Variants in DSCAM observed in about 807,000 individuals in gnomAD.
DSCAM encodes DS cell adhesion molecule.
A neutral mutation model predicts 217.7 loss-of-function variants in DSCAM; 47 were observed. That is an observed-to-expected ratio of 0.22 (90% CI 0.17 to 0.28). The LOEUF (loss-of-function observed/expected upper bound fraction) is 0.28. Ranked by LOEUF, DSCAM falls within the 10% of genes least tolerant of loss-of-function variation. The pLI is 1.00. For missense variants in DSCAM, 2,080 were observed against 2,618.3 expected, an observed-to-expected ratio of 0.79 and a Z score of 4.49; for synonymous variants, 1,056 against 1,015.3, an observed-to-expected ratio of 1.04 and a Z score of -0.76.
At chr21:40,388,393 T>C (rs1208650041) in intron 3 of DSCAM, among the ~76,000 whole-genome samples, 4 of 152,132 alleles carry the variant, frequency 2.6e-5, no homozygotes, top group African/African-American at 9.7e-5. Context: ...GCAGATGGTA[T>C]CATGAAGTCC....
chr21:40,605,578 A>C (rs1601782542), intron 3 of DSCAM, among the ~76,000 whole-genome samples: 1 of 152,176 alleles, frequency 6.6e-6, no homozygotes. Context: ...AATGCGAATA[A>C]GTGAACATGG....
chr21:40,790,776 A>G (rs2091635627), intron 1 of DSCAM, among the ~76,000 whole-genome samples: 2 of 152,242 alleles, frequency 1.3e-5, no homozygotes, highest in Admixed American at 6.5e-5. Flanking sequence ...AACATGTTCT[A>G]GGAAGCACAT....
chr21:40,485,535 C>T (rs2076021004), intron 3 of DSCAM, among the ~76,000 whole-genome samples: 2 of 152,216 alleles, frequency 1.3e-5, no homozygotes, highest in African/African-American at 4.8e-5. Flanking sequence ...AGCCACCGCG[C>T]CCGGCCCACA....
intron 3 of DSCAM, among the ~76,000 whole-genome samples, chr21:40,555,381 C>G (rs1164208117): frequency 1.3e-5 from 2 of 152,114 alleles, no homozygotes; most frequent in Non-Finnish European, 1.5e-5. Flanking sequence ...TCCTCATTAC[C>G]AGAACCCAAT....
At chr21:40,181,600 A>T (rs1021431103) in intron 14 of DSCAM, among the ~76,000 whole-genome samples, 1 of 151,948 alleles carries the variant, frequency 6.6e-6, no homozygotes, top group Non-Finnish European at 1.5e-5. Context: ...TCCAAGTTCA[A>T]GGTCATTTTT....
chr21:40,245,531 G>C (rs937515661), intron 11 of DSCAM, among the ~76,000 whole-genome samples: 1 of 152,212 alleles, frequency 6.6e-6, no homozygotes, highest in Non-Finnish European at 1.5e-5. Flanking sequence ...TCCCTGAAGG[G>C]AGGCCTATCA....
chr21:40,214,735 C>CAAAAAAAAAAAAA (rs1209648217), intron 11 of DSCAM, among the ~76,000 whole-genome samples: 25 of 67,822 alleles, frequency 3.7e-4, no homozygotes, highest in African/African-American at 5.2e-4. Flanking sequence ...GCAACAACAG[C>CAAAAAAAAAAAAA]AAAAAAAAAA....
At chr21:40,289,631 T>G (rs114143573) in intron 10 of DSCAM, among the ~76,000 whole-genome samples, 120 of 152,298 alleles carry the variant, frequency 7.9e-4, no homozygotes, top group Non-Finnish European at 1.5e-3. Context: ...TAATAATAAT[T>G]TTATTCTAGT....
intron 20 of DSCAM, 98 bp from the exon 21 acceptor site, chr21:40,093,972 A>C (rs1254047207): frequency 3.9e-6 from 5 of 1,289,032 alleles, no homozygotes; most frequent in Non-Finnish European, 5.3e-6. Flanking sequence ...ATATCATAAC[A>C]AAAAAACTCA....
intron 16 of DSCAM, among the ~76,000 whole-genome samples, chr21:40,158,676 C>T (rs2090506090): frequency 6.6e-6 from 1 of 152,218 alleles, no homozygotes; most frequent in Non-Finnish European, 1.5e-5. Flanking sequence ...GGATCTGCCA[C>T]CTAAATTCTT....
At chr21:40,345,008 AT>A (rs2074542933) in intron 6 of DSCAM, among the ~76,000 whole-genome samples, 1 of 152,110 alleles carries the variant, frequency 6.6e-6, no homozygotes, top group South Asian at 2.1e-4. Context: ...TCTAAGATTT[AT>A]CTTCAAGTTC....
intron 3 of DSCAM, among the ~76,000 whole-genome samples, chr21:40,624,659 A>C (rs758456208): frequency 5.3e-5 from 8 of 152,212 alleles, no homozygotes; most frequent in Non-Finnish European, 1.0e-4. Context: ...TGAGTTCCTA[A>C]ATAACCTACC....
chr21:40,223,233 C>T (rs1189044307), intron 11 of DSCAM, among the ~76,000 whole-genome samples: 1 of 152,222 alleles, frequency 6.6e-6, no homozygotes, highest in Non-Finnish European at 1.5e-5. Flanking sequence ...CCCCAGGCTG[C>T]AGGGCCCTGA....
chr21:40,774,623 C>T (rs939509018), intron 1 of DSCAM, among the ~76,000 whole-genome samples: 1 of 152,176 alleles, frequency 6.6e-6, no homozygotes, highest in African/African-American at 2.4e-5. Context: ...TAAAATTAAT[C>T]TGAATATGTG....
intron 3 of DSCAM, among the ~76,000 whole-genome samples, chr21:40,681,781 A>G (rs547412786): frequency 3.4e-4 from 52 of 152,248 alleles, no homozygotes; most frequent in Admixed American, 9.8e-4. Flanking sequence ...CTTTATTAGA[A>G]GAGGAGAAGA....
At chr21:40,533,593 C>T (rs1239764548) in intron 3 of DSCAM, among the ~76,000 whole-genome samples, 10,162 of 147,908 alleles carry the variant, frequency 0.069, 603 homozygotes, top group African/African-American at 0.16. Flanking sequence ...AACCATCCAT[C>T]CACCTGTCTG....
intron 3 of DSCAM, among the ~76,000 whole-genome samples, chr21:40,452,270 G>A (rs1037761288): frequency 4.5e-5 from 3 of 67,332 alleles, no homozygotes; most frequent in African/African-American, 7.0e-5. Context: ...ACACACACAG[G>A]TATCCTGGAG....
chr21:40,061,064 C>T (rs911235447), intron 28 of DSCAM, among the ~76,000 whole-genome samples: 5 of 152,198 alleles, frequency 3.3e-5, no homozygotes, highest in Non-Finnish European at 5.9e-5. Flanking sequence ...CCTCTGAGCT[C>T]CAGATTTCTG....
intron 3 of DSCAM, among the ~76,000 whole-genome samples, chr21:40,549,189 A>G (rs2076609777): frequency 6.6e-6 from 1 of 152,180 alleles, no homozygotes; most frequent in Non-Finnish European, 1.5e-5. Context: ...CCCTGTCTCA[A>G]AAAAAACATT....
Sources: allele counts gnomAD v4.1 joint callset (sites outside exome capture counted in the v4.1 genomes callset), GRCh38; gene constraint gnomAD v4.1.1; transcripts MANE v1.5; gene names NCBI Gene and HGNC (gene_info 2026-07-23, HGNC 2026-07-21).